Variants in NAAA observed in about 807,000 individuals in gnomAD.
NAAA encodes the protein N-acylethanolamine acid amidase.
NAAA carries 39 observed loss-of-function variants against 44.8 expected under a neutral mutation model. The observed-to-expected ratio is 0.87, with a 90% CI of 0.67 to 1.14. The LOEUF is 1.14. NAAA is among the 50% of genes most tolerant of loss of function. NAAA has a pLI of 0.00. For missense variants in NAAA, 460 were observed against 467.8 expected (o/e 0.98, Z 0.15); for synonymous variants, 178 against 191.3 (o/e 0.93, Z 0.58).
chr4:75,925,838 T>C (rs1726633706), intron 4 of NAAA, 27 bp from the exon 5 acceptor site: 2 of 1,595,142 alleles, frequency 1.3e-6, no homozygotes, highest in Admixed American at 1.7e-5. Flanking sequence ...ATATGTTATA[T>C]ATGTGTGTGT....
At chr4:75,918,661 G>T in intron 9 of NAAA, 100 bp downstream of exon 9, 2 of 1,307,762 alleles carry the variant, frequency 1.5e-6, no homozygotes, top group Admixed American at 1.7e-5. Context: ...CCACAGCCTG[G>T]TTACAGGAGC....
At chr4:75,918,907 C>T in intron 8 of NAAA, 118 bp from the exon 9 acceptor site, 9 of 918,220 alleles carry the variant, frequency 9.8e-6, no homozygotes, top group Non-Finnish European at 1.2e-5. Flanking sequence ...CTTTGGGAAG[C>T]CGACGTGGGA....
At chr4:75,918,225 G>C (rs1311564229) in intron 9 of NAAA, among the ~76,000 whole-genome samples, 1 of 152,146 alleles carries the variant, frequency 6.6e-6, no homozygotes, top group Non-Finnish European at 1.5e-5. Flanking sequence ...AGGCCGAGGT[G>C]GGCAGATCAT....
intron 4 of NAAA, among the ~76,000 whole-genome samples, chr4:75,927,509 C>T (rs554129430): frequency 6.6e-6 from 1 of 151,810 alleles, no homozygotes; most frequent in African/African-American, 2.4e-5. Context: ...CTCCTGTAAT[C>T]CCAGCACTTT....
chr4:75,914,930 T>G lies in NAAA; in HGVS notation c.1054A>C (p.Arg352=), dbSNP rs1725508873. The G allele has an allele frequency of 6.2e-7, 1 of 1,614,176 alleles. No individual in the cohort carries two copies. Among genetic ancestry groups the G allele is most frequent in the Non-Finnish European group, 8.5e-7 (1 of 1,180,008 alleles). ...SAGSPDKYMT[R]IRNPSRK ...TACTTTCTACTCGGGTTTCTGATCC[T>G]AGTCATGTACTTGTCTGGGCTACCG... is the stretch of plus-strand genomic sequence containing the variant. Residue 352 remains arginine (R), a synonymous_variant, in exon 10 of 11, where the codon AGG becomes CGG. Transcript: ENST00000286733.
chr4:75,912,447 G>A (rs898810977), downstream of NAAA, among the ~76,000 whole-genome samples: 2 of 151,920 alleles, frequency 1.3e-5, no homozygotes, highest in African/African-American at 2.4e-5. Context: ...CCAGCTACTC[G>A]GGAGGCTGAG....
At chr4:75,920,827 T>C (rs770660403) in intron 6 of NAAA, 27 bp from the exon 7 acceptor site, 12 of 1,614,080 alleles carry the variant, frequency 7.4e-6, no homozygotes, top group Non-Finnish European at 1.0e-5. Context: ...CATCTTGTCT[T>C]ATCCAAGGCA....
At chr4:75,928,819 G>A (rs1057509414) in intron 4 of NAAA, among the ~76,000 whole-genome samples, 2 of 147,802 alleles carry the variant, frequency 1.4e-5, no homozygotes, top group Non-Finnish European at 3.0e-5. Flanking sequence ...ATGGAGTCTC[G>A]CTCTGTCGCC....
downstream of NAAA, among the ~76,000 whole-genome samples, chr4:75,912,377 AC>A (rs1345521258): frequency 6.6e-6 from 1 of 151,918 alleles, no homozygotes; most frequent in Non-Finnish European, 1.5e-5. Context: ...ACGTGGTGAA[AC>A]CCTGTCTCTA....
intron 3 of NAAA, among the ~76,000 whole-genome samples, chr4:75,932,178 G>A (rs150416773): frequency 2.0e-5 from 3 of 152,264 alleles, no homozygotes; most frequent in South Asian, 2.1e-4. Flanking sequence ...GCGGTGAACC[G>A]AGATAGCGCC....
At chr4:75,924,617 A>G (rs17001223) in intron 5 of NAAA, among the ~76,000 whole-genome samples, 5,022 of 152,270 alleles carry the variant, frequency 0.033, 264 homozygotes, top group African/African-American at 0.11. Flanking sequence ...TTGCTTTGCT[A>G]GTTTGGATAT....
At chr4:75,923,290 T>C (rs58317633) in intron 5 of NAAA, among the ~76,000 whole-genome samples, 39,179 of 152,024 alleles carry the variant, frequency 0.26, 6,200 homozygotes, top group East Asian at 0.49. Context: ...TTTCACCTTT[T>C]TGATACAGGA....
chr4:75,933,132 C>CAA (rs59490735), intron 3 of NAAA, among the ~76,000 whole-genome samples: 43,392 of 122,576 alleles, frequency 0.35, 8,149 homozygotes, highest in Non-Finnish European at 0.42. Flanking sequence ...GACTCTGTCT[C>CAA]AAAAAAAAAA....
Position 75,941,002 on chromosome 4 carries a change from C to A in NAAA, c.-53G>T. 7.1e-7 allele frequency: 1 copy of A among 1,418,312 alleles called. No homozygotes were observed. The highest frequency in any genetic ancestry group is 1.5e-5 in the South Asian group (1 of 66,700). The allele number at this position is 1,418,312 out of a possible 1,614,324, so 87.9% of individuals were successfully genotyped here. On this transcript the variant is annotated 5_prime_UTR_variant, in exon 1 of 11. Coordinates refer to ENST00000286733, the MANE Select transcript of NAAA (RefSeq NM_014435.4). ...GAGACCTGCAGCCGCTGTCGGAGCC[C>A]GGGTAAGCCGTGGAGGAGGAGGAGC...
At chr4:75,926,176 C>G (rs549415717) in intron 4 of NAAA, among the ~76,000 whole-genome samples, 1 of 152,150 alleles carries the variant, frequency 6.6e-6, no homozygotes, top group South Asian at 2.1e-4. Context: ...CATTGCCAAA[C>G]AAAAGTTTTC....
chr4:75,912,716 G>A (rs953596915), downstream of NAAA, among the ~76,000 whole-genome samples: 4 of 152,096 alleles, frequency 2.6e-5, no homozygotes, highest in Non-Finnish European at 5.9e-5. Context: ...AGAGTTTGCA[G>A]TGGGCCGAGA....
intron 3 of NAAA, 85 bp from the exon 4 acceptor site, chr4:75,931,389 T>A (rs1447799768): frequency 4.0e-6 from 4 of 990,094 alleles, no homozygotes; most frequent in East Asian, 5.1e-5. Flanking sequence ...ATTTTCTGGA[T>A]TTTTTTTCTT....
At position 75,940,909 on chromosome 4, in the gene NAAA, G is replaced by C; in HGVS notation, c.41C>G (p.Ser14Cys). 5 of 1,519,342 alleles carry C rather than the reference G, an allele frequency of 3.3e-6. No individual in the cohort carries two copies. The highest frequency in any genetic ancestry group is 1.2e-5 in the South Asian group (1 of 82,588). 94.1% of individuals were successfully genotyped at this position (1,519,342 alleles called of 1,614,324 possible). ...ADREARPGLPSLLLLLLAGAG... is the reference protein window; with the variant it reads ...ADREARPGLPCLLLLLLAGAG... ...CCCGGCCAGCAGCAGCAGCAGCAGGGACGGAAGCCCCGGGCGCGCCTCCCG... is the reference window on the plus strand; with the variant it reads ...CCCGGCCAGCAGCAGCAGCAGCAGGCACGGAAGCCCCGGGCGCGCCTCCCG... Residue 14 changes from serine (S) to cysteine (C), a missense_variant, in exon 1 of 11, where the codon TCC (serine) becomes TGC (cysteine). By Grantham distance (112) the Ser-to-Cys change is moderately radical. Transcript: ENST00000286733.
At position 75,936,188 on chromosome 4, in the gene NAAA, T is replaced by C. The variant is rs1049982470; in HGVS notation, c.419A>G (p.His140Arg). The change falls in exon 3 of 11, where the codon CAT (histidine) becomes CGT (arginine). Residue 140 changes from histidine to arginine, a missense_variant. Coordinates refer to ENST00000286733, the MANE Select transcript of NAAA (RefSeq NM_014435.4). ...VAQDSRGHIY[H>R]GRNLDYPFGN... is the part of the protein sequence containing the mutation. ...AAAAGGATAATCCAAATTCCGACCA[T>C]GGTAAATGTGGCCTCTGGAGTCTTG... 4 of 1,614,020 alleles carry C rather than the reference T, an allele frequency of 2.5e-6. No individual in the cohort carries two copies. In the Admixed American group the frequency reaches 6.7e-5, roughly 27 times the overall value.
Sources: gnomAD v4.1 joint callset for allele counts (sites outside exome capture counted in the v4.1 genomes callset) on GRCh38, gnomAD v4.1.1 for gene constraint, MANE v1.5 for transcripts, NCBI Gene and HGNC (gene_info 2026-07-23, HGNC 2026-07-21) for gene names.